Variants in OXR1 observed in about 807,000 individuals in gnomAD.
OXR1 encodes oxidation resistance protein 1.
Under a neutral mutation model 104.6 loss-of-function variants are expected in OXR1, and 41 were observed. The ratio of observed to expected loss-of-function variants is 0.39; its 90% confidence interval spans 0.31 to 0.51. The LOEUF (loss-of-function observed/expected upper bound fraction) is 0.51. Ranked by LOEUF, OXR1 falls within the 20% of genes least tolerant of loss-of-function variation. OXR1 has a pLI of 0.77. For synonymous variants in OXR1, 348 were observed against 348.4 expected, an observed-to-expected ratio of 1.00 and a Z score of 0.01; for missense variants, 955 against 1,031.9, an observed-to-expected ratio of 0.93 and a Z score of 1.02.
chr8:106,685,666 A>T (rs1289511381), intron 6 of OXR1, among the ~76,000 whole-genome samples: 1 of 151,698 alleles, frequency 6.6e-6, no homozygotes, highest in Non-Finnish European at 1.5e-5. Context: ...GGCCAGTGAT[A>T]TGAGTAAATT....
At chr8:106,521,753 C>A (rs2130133848) in intron 3 of OXR1, among the ~76,000 whole-genome samples, 1 of 152,254 alleles carries the variant, frequency 6.6e-6, no homozygotes, top group East Asian at 1.9e-4. Flanking sequence ...ACCTCAAGAT[C>A]TGCCCACCTC....
At chr8:106,604,220 AT>A (rs1448922362) in intron 3 of OXR1, among the ~76,000 whole-genome samples, 1 of 152,228 alleles carries the variant, frequency 6.6e-6, no homozygotes, top group Non-Finnish European at 1.5e-5. Flanking sequence ...ATCTTTAAAT[AT>A]ATTTTCAAAC....
At chr8:106,568,028 A>G (rs1360208994) in intron 3 of OXR1, among the ~76,000 whole-genome samples, 1 of 152,142 alleles carries the variant, frequency 6.6e-6, no homozygotes, top group Non-Finnish European at 1.5e-5. Flanking sequence ...TTGTGTTCCC[A>G]TCTACAAAAT....
At chr8:106,708,356 G>GCCGCTGCTATGAGCCATGATCATT (rs1183561417) in intron 9 of OXR1, among the ~76,000 whole-genome samples, 1 of 152,130 alleles carries the variant, frequency 6.6e-6, no homozygotes. Flanking sequence ...CCATGATCAT[G>GCCGCTGCTATGAGCCATGATCATT]CCACTGCACT....
chr8:106,500,275 G>A (rs1366854278), intron 2 of OXR1, among the ~76,000 whole-genome samples: 1 of 152,180 alleles, frequency 6.6e-6, no homozygotes, highest in Non-Finnish European at 1.5e-5. Flanking sequence ...CCAAAGACAG[G>A]CAGTCCGGCG....
In OXR1 at chr8:106,665,187, C is replaced by T. The variant is rs548481866; in HGVS notation, c.221-14023C>T. 2.0e-5 allele frequency among the ~76,000 whole-genome samples: 3 copies of T among 152,230 alleles called. No individual in the cohort carries two copies. The South Asian group carries it at 6.2e-4, about 32-fold the overall frequency. ...AGCCCTAGACGGGACACCATTCCACCTCAGGGCACAGTCACACACACACAC... is the reference window on the plus strand; with the variant it reads ...AGCCCTAGACGGGACACCATTCCACTTCAGGGCACAGTCACACACACACAC... On this transcript the variant is annotated intron_variant, in intron 3 of 16. Coordinates refer to ENST00000517566, the MANE Select transcript of OXR1 (RefSeq NM_001198533.2).
At chr8:106,530,065 C>T (rs1813980680) in intron 3 of OXR1, among the ~76,000 whole-genome samples, 1 of 152,098 alleles carries the variant, frequency 6.6e-6, no homozygotes, top group Non-Finnish European at 1.5e-5. Flanking sequence ...AAGAAAATGA[C>T]AAATTATTAA....
At chr8:106,517,438 G>A (rs546714746) in intron 2 of OXR1, among the ~76,000 whole-genome samples, 1 of 151,826 alleles carries the variant, frequency 6.6e-6, no homozygotes, top group African/African-American at 2.4e-5. Flanking sequence ...TTCAATTTTT[G>A]TGTATTACAA....
At chr8:106,302,198 T>G (rs1241399842) in intron 1 of OXR1, among the ~76,000 whole-genome samples, 1 of 152,194 alleles carries the variant, frequency 6.6e-6, no homozygotes, top group African/African-American at 2.4e-5. Context: ...TCAAAATAAC[T>G]TCCTACTATA....
intron 1 of OXR1, among the ~76,000 whole-genome samples, chr8:106,276,955 T>C (rs1015750450): frequency 6.6e-6 from 1 of 152,202 alleles, no homozygotes; most frequent in African/African-American, 2.4e-5. Context: ...TTTTTGATGA[T>C]CAGAAAATTG....
In OXR1 at chr8:106,484,011, A is replaced by G. The variant is rs566850623; in HGVS notation, c.24-34932A>G. 2.6e-3 allele frequency among the ~76,000 whole-genome samples: 400 copies of G among 152,240 alleles called. 1 individual carries two copies. Among genetic ancestry groups the G allele is most frequent in the Non-Finnish European group, 3.9e-3 (262 of 67,998 alleles). The stretch of plus-strand genomic sequence containing the variant: ...CTAGGAAATCTAGATTCCCTTGGGT[A>G]TGGTGATGATTTCTGAGGTACAACA... On this transcript the variant is annotated intron_variant, in intron 2 of 16. Coordinates refer to ENST00000517566, the MANE Select transcript of OXR1 (RefSeq NM_001198533.2).
chr8:106,294,609 A>T (rs1482180988), intron 1 of OXR1, among the ~76,000 whole-genome samples: 2 of 151,920 alleles, frequency 1.3e-5, no homozygotes, highest in Admixed American at 1.3e-4. Flanking sequence ...AGAGACAGAG[A>T]GACAGAAAGA....
chr8:106,697,708 C>T (rs1374692393), intron 7 of OXR1: 79 of 1,613,936 alleles, frequency 4.9e-5, no homozygotes, highest in Non-Finnish European at 5.8e-5. Flanking sequence ...AATGCCATAG[C>T]GCTCAGCTGC....
intron 1 of OXR1, among the ~76,000 whole-genome samples, chr8:106,348,102 A>G (rs945822059): frequency 2.6e-5 from 4 of 152,192 alleles, no homozygotes; most frequent in East Asian, 1.9e-4. Flanking sequence ...TGAAATGGGA[A>G]CATAATGATC....
At chr8:106,333,620 A>G (rs183259034) in intron 1 of OXR1, among the ~76,000 whole-genome samples, 5 of 152,188 alleles carry the variant, frequency 3.3e-5, no homozygotes, top group South Asian at 2.1e-4. Context: ...TAATTCTTAC[A>G]CTTATATTTG....
chr8:106,698,135 C>T, intron 7 of OXR1: 1 of 632,864 alleles, frequency 1.6e-6, no homozygotes, highest in South Asian at 2.0e-5. Context: ...CCCAGATATC[C>T]TCTTCATTTT....
In OXR1 at chr8:106,682,338, G is replaced by A. The variant is rs184898843; in HGVS notation, c.304-861G>A. Among the ~76,000 whole-genome samples the A allele has an allele frequency of 1.5e-4, 21 of 143,056 alleles. No individual in the cohort carries two copies. The East Asian group carries it at 3.9e-3, about 27-fold the overall frequency. The allele number at this position is 143,056 out of a possible 152,430, so 93.9% of individuals were successfully genotyped here. A position where few individuals can be genotyped will look rare whatever the true frequency, so the allele number is the denominator to read the frequency against. ...GACTGGAGTGCAGTGGCGCAATCTC[G>A]GCTCACTGCAAGCTCGGCCTCCTGG... On this transcript the variant is annotated intron_variant, in intron 4 of 16. Transcript: ENST00000517566.
intron 1 of OXR1, among the ~76,000 whole-genome samples, chr8:106,353,327 C>T (rs538501382): frequency 5.3e-5 from 8 of 151,734 alleles, no homozygotes; most frequent in Non-Finnish European, 7.4e-5. Flanking sequence ...CCAGCCTGGG[C>T]GACTCCAGCC....
At chr8:106,531,689 A>G (rs1006046206) in intron 3 of OXR1, among the ~76,000 whole-genome samples, 4 of 152,182 alleles carry the variant, frequency 2.6e-5, no homozygotes, top group Admixed American at 6.5e-5. Flanking sequence ...GTCTTTTTCA[A>G]GTACTATTTC....
Sources: allele counts gnomAD v4.1 joint callset (sites outside exome capture counted in the v4.1 genomes callset), GRCh38; gene constraint gnomAD v4.1.1; transcripts MANE v1.5; gene names NCBI Gene and HGNC (gene_info 2026-07-23, HGNC 2026-07-21).